Variants in DCDC2C observed in about 807,000 individuals in gnomAD.
DCDC2C encodes doublecortin domain containing 2C.
A neutral mutation model predicts 45.0 loss-of-function variants in DCDC2C; 44 were observed. The observed-to-expected ratio is 0.98, with a 90% CI of 0.77 to 1.26. The LOEUF is 1.26. DCDC2C is among the 50% of genes most tolerant of loss of function. The probability of loss-of-function intolerance (pLI) is 0.00; values close to 1 mark genes in which losing one functional copy is unlikely to be tolerated. For missense variants in DCDC2C, 447 were observed against 468.9 expected (o/e 0.95, Z 0.43); for synonymous variants, 187 against 178.8 (o/e 1.05, Z -0.37).
chr2:3,807,415 GTGT>G (rs1168308208), intron 10 of DCDC2C, among the ~76,000 whole-genome samples: 3 of 152,150 alleles, frequency 2.0e-5, no homozygotes, highest in Non-Finnish European at 4.4e-5. Context: ...CTGTGTTGCT[GTGT>G]TGTTCTCTTC....
chr2:3,808,175 G>T (rs2148210132), intron 10 of DCDC2C, among the ~76,000 whole-genome samples: 1 of 152,316 alleles, frequency 6.6e-6, no homozygotes, highest in East Asian at 1.9e-4. Context: ...CAGGTGATCT[G>T]CAGCCTCACC....
In DCDC2C at chr2:3,752,710, C is replaced by G; in HGVS notation, c.546-53C>G. The G allele has an allele frequency of 1.9e-6, 3 of 1,542,768 alleles. No homozygotes were observed. In the East Asian group the frequency reaches 7.3e-5, roughly 38 times the overall value. On this transcript the variant is annotated intron_variant, in intron 4 of 10. Coordinates refer to ENST00000399143, the MANE Select transcript of DCDC2C (RefSeq NM_001287444.2). ...AGTGTATGCACAAATACCCCAAGCC[C>G]TATGCTACTGGTCCTCAAGTCTCTA...
chr2:3,771,179 G>T (rs575380287), intron 8 of DCDC2C, among the ~76,000 whole-genome samples: 1 of 152,352 alleles, frequency 6.6e-6, no homozygotes, highest in South Asian at 2.1e-4. Context: ...AGAAAGAGCG[G>T]CTGTCAGCTG....
Position 3,847,261 on chromosome 2 carries a change from C to T in DCDC2C, c.*78C>T. On this transcript the variant is annotated 3_prime_UTR_variant, in exon 11 of 11. Transcript: ENST00000399143. ...TCCACGTCACATATGGACATTTTAA[C>T]AGCAAGAAAATCACATGTGGGGTGA... The T allele has an allele frequency of 9.6e-7, 1 of 1,036,574 alleles. No homozygotes were observed. The highest frequency in any genetic ancestry group is 3.2e-5 in the East Asian group (1 of 30,816). 64.2% of individuals were successfully genotyped at this position (1,036,574 alleles called of 1,614,324 possible). A position where few individuals can be genotyped will look rare whatever the true frequency, so the allele number is the denominator to read the frequency against.
chr2:3,782,588 C>T (rs1474095591), intron 9 of DCDC2C, among the ~76,000 whole-genome samples: 1 of 149,068 alleles, frequency 6.7e-6, no homozygotes, highest in Admixed American at 6.7e-5. Flanking sequence ...ACACCATTCT[C>T]CTGCCTCAGC....
intron 10 of DCDC2C, among the ~76,000 whole-genome samples, chr2:3,790,246 A>C (rs999145678): frequency 6.6e-6 from 1 of 152,246 alleles, no homozygotes; most frequent in Non-Finnish European, 1.5e-5. Flanking sequence ...GCTACTAGCT[A>C]TTAGACAAGT....
intron 1 of DCDC2C, among the ~76,000 whole-genome samples, chr2:3,704,413 G>C (rs1467001244): frequency 1.3e-4 from 1 of 7,690 alleles, no homozygotes. Context: ...TGGGGGAGGG[G>C]TGTGGAGAGG....
At chr2:3,755,567 CTATG>C (rs1016897970) in intron 6 of DCDC2C, among the ~76,000 whole-genome samples, 23 of 150,494 alleles carry the variant, frequency 1.5e-4, no homozygotes, top group Admixed American at 2.0e-4. Flanking sequence ...GTGCATATGA[CTATG>C]TGTGTGTACA....
chr2:3,833,986 T>C (rs1273209264), intron 10 of DCDC2C, among the ~76,000 whole-genome samples: 1 of 152,210 alleles, frequency 6.6e-6, no homozygotes, highest in African/African-American at 2.4e-5. Flanking sequence ...TGATCTCTCT[T>C]TATTTTCTAT....
intron 10 of DCDC2C, among the ~76,000 whole-genome samples, chr2:3,831,990 A>G (rs1182992196): frequency 6.6e-6 from 1 of 152,202 alleles, no homozygotes; most frequent in Non-Finnish European, 1.5e-5. Flanking sequence ...CGTCATGTGC[A>G]GGAATCAGTG....
chr2:3,779,366 C>T (rs998967433), intron 9 of DCDC2C, among the ~76,000 whole-genome samples: 3 of 152,172 alleles, frequency 2.0e-5, no homozygotes, highest in Non-Finnish European at 4.4e-5. Flanking sequence ...CAGCGCAGGA[C>T]GCTTGGCAGT....
In DCDC2C at chr2:3,740,557, A is replaced by G. The variant is rs990661981; in HGVS notation, c.417-1363A>G. Among the ~76,000 whole-genome samples, 16 of 152,390 alleles carry G rather than the reference A, an allele frequency of 1.0e-4. No individual in the cohort carries two copies. The East Asian group carries it at 3.1e-3, about 29-fold the overall frequency. On this transcript the variant is annotated intron_variant, in intron 3 of 10. Transcript: ENST00000399143. The stretch of plus-strand genomic sequence containing the variant: ...TTACTTTTATTCCTATTAGTAATCT[A>G]TATTTAGAAAAACTTGCAGCCTAAA...
chr2:3,762,347 G>T (rs571754289), intron 6 of DCDC2C, among the ~76,000 whole-genome samples: 1 of 152,196 alleles, frequency 6.6e-6, no homozygotes, highest in South Asian at 2.1e-4. Flanking sequence ...GTGGTGTAGT[G>T]TGCAGAGGGG....
chr2:3,795,310 G>A (rs1187894930), intron 10 of DCDC2C, among the ~76,000 whole-genome samples: 1 of 148,840 alleles, frequency 6.7e-6, no homozygotes, highest in Non-Finnish European at 1.5e-5. Flanking sequence ...CTCCCATTTT[G>A]TAGGTTGCCT....
At chr2:3,762,562 A>G (rs1376869779) in intron 6 of DCDC2C, among the ~76,000 whole-genome samples, 1 of 152,132 alleles carries the variant, frequency 6.6e-6, no homozygotes, top group Non-Finnish European at 1.5e-5. Context: ...GGTGTCTCAC[A>G]TGGCAAACAC....
intron 10 of DCDC2C, among the ~76,000 whole-genome samples, chr2:3,827,595 T>C (rs1671857342): frequency 6.6e-6 from 1 of 152,180 alleles, no homozygotes; most frequent in African/African-American, 2.4e-5. Flanking sequence ...CAATTTGTTT[T>C]GAATGTTGGG....
intron 10 of DCDC2C, among the ~76,000 whole-genome samples, chr2:3,813,939 A>G (rs922392348): frequency 5.9e-5 from 9 of 152,046 alleles, no homozygotes; most frequent in Admixed American, 5.9e-4. Context: ...TTATGTGTGA[A>G]TTTGATCCTC....
intron 2 of DCDC2C, among the ~76,000 whole-genome samples, chr2:3,716,842 G>A (rs1187342544): frequency 6.6e-6 from 1 of 152,122 alleles, no homozygotes; most frequent in Non-Finnish European, 1.5e-5. Context: ...TATTTTCAAG[G>A]TTCATCCATG....
intron 10 of DCDC2C, among the ~76,000 whole-genome samples, chr2:3,795,050 T>C (rs916045872): frequency 4.6e-5 from 7 of 152,110 alleles, no homozygotes; most frequent in Non-Finnish European, 8.8e-5. Context: ...TTTTAATGAT[T>C]GCCATTCTAA....
Sources: gnomAD v4.1 joint callset for allele counts (sites outside exome capture counted in the v4.1 genomes callset) on GRCh38, gnomAD v4.1.1 for gene constraint, MANE v1.5 for transcripts, NCBI Gene and HGNC (gene_info 2026-07-23, HGNC 2026-07-21) for gene names.